Variants in NALCN observed in about 807,000 individuals in gnomAD.
NALCN encodes the protein sodium leak channel NALCN.
In NALCN, 111 loss-of-function variants were observed where a neutral mutation model predicts 225.3. That is an observed-to-expected ratio of 0.49 (90% CI 0.42 to 0.58). NALCN has a LOEUF of 0.58. Among genes scored for constraint, NALCN ranks in the 20% least tolerant of loss-of-function variants. The pLI, the probability that NALCN is intolerant of heterozygous loss-of-function variation, is 0.00. For synonymous variants in NALCN, 764 were observed against 769.0 expected (o/e 0.99, Z 0.11); for missense variants, 1,378 against 2,202.4 (o/e 0.63, Z 7.49).
intron 11 of NALCN, among the ~76,000 whole-genome samples, chr13:101,238,204 C>G (rs917555106): frequency 6.6e-6 from 1 of 151,632 alleles, no homozygotes; most frequent in Non-Finnish European, 1.5e-5. Context: ...ATTTTAAAAC[C>G]ATTATTATTT....
chr13:101,325,934 T>TGCTTGAG lies in NALCN; in HGVS notation c.799+19325_799+19331dup, dbSNP rs1423027629. On this transcript the variant is annotated intron_variant, in intron 7 of 43. Transcript: ENST00000251127. ...AAGAAAACAGTTTAGTTTAGAAATT[T>TGCTTGAG]GCTTGAGACTTGAGAGTTCAGTCAA... Among the ~76,000 whole-genome samples, 4 of 152,350 alleles carry TGCTTGAG rather than the reference T, an allele frequency of 2.6e-5. No individual in the cohort carries two copies. In the East Asian group the frequency reaches 7.7e-4, roughly 29 times the overall value.
At chr13:101,246,716 G>T (rs2041908557) in intron 11 of NALCN, among the ~76,000 whole-genome samples, 1 of 152,148 alleles carries the variant, frequency 6.6e-6, no homozygotes, top group Admixed American at 6.5e-5. Context: ...CAACAATAAT[G>T]TCAAAGACTG....
At chr13:101,230,919 T>A (rs979923297) in intron 12 of NALCN, among the ~76,000 whole-genome samples, 1 of 152,188 alleles carries the variant, frequency 6.6e-6, no homozygotes, top group Admixed American at 6.5e-5. Context: ...ACGTATAGGA[T>A]GGTGGTCCTA....
At chr13:101,302,405 G>A (rs1437289115) in intron 7 of NALCN, among the ~76,000 whole-genome samples, 3 of 152,054 alleles carry the variant, frequency 2.0e-5, no homozygotes, top group Admixed American at 6.5e-5. Flanking sequence ...AATAATTGAC[G>A]TTTGTTTATA....
intron 32 of NALCN, 54 bp from the exon 33 acceptor site, chr13:101,082,937 G>A: frequency 1.2e-6 from 2 of 1,603,486 alleles, no homozygotes; most frequent in Non-Finnish European, 1.7e-6. Flanking sequence ...ACACATACAG[G>A]CTTGCCCCTC....
At chr13:101,415,867 G>A (rs2047930276) in intron 1 of NALCN, among the ~76,000 whole-genome samples, 1 of 149,406 alleles carries the variant, frequency 6.7e-6, no homozygotes, top group Admixed American at 6.7e-5. Flanking sequence ...CCCTGGTGCC[G>A]AGGGGGCAGG....
At chr13:101,349,063 T>C (rs1361820278) in intron 6 of NALCN, among the ~76,000 whole-genome samples, 1 of 152,138 alleles carries the variant, frequency 6.6e-6, no homozygotes, top group African/African-American at 2.4e-5. Context: ...GTGGATGGAA[T>C]TCTTGCCCCA....
chr13:101,110,474 T>A, intron 20 of NALCN, 145 bp downstream of exon 20: 1 of 807,306 alleles, frequency 1.2e-6, no homozygotes, highest in Non-Finnish European at 2.0e-6. Flanking sequence ...ATAATTCATA[T>A]CCTGAGTTTC....
intron 17 of NALCN, among the ~76,000 whole-genome samples, chr13:101,131,554 C>T (rs1054891065): frequency 6.6e-6 from 1 of 152,120 alleles, no homozygotes; most frequent in Non-Finnish European, 1.5e-5. Flanking sequence ...CTGCTTTTAT[C>T]CTTATCACTC....
At chr13:101,397,086 A>T (rs893149059) in intron 2 of NALCN, among the ~76,000 whole-genome samples, 2 of 60,614 alleles carry the variant, frequency 3.3e-5, no homozygotes, top group African/African-American at 1.4e-4. Flanking sequence ...ATATATATAT[A>T]TATATATATA....
At chr13:101,402,982 C>A (rs928630051) in intron 1 of NALCN, among the ~76,000 whole-genome samples, 2 of 152,150 alleles carry the variant, frequency 1.3e-5, no homozygotes, top group Non-Finnish European at 2.9e-5. Flanking sequence ...TCACCTATCC[C>A]CATTTCTAGA....
chr13:101,203,574 C>T (rs2040207334), intron 13 of NALCN, among the ~76,000 whole-genome samples: 1 of 152,112 alleles, frequency 6.6e-6, no homozygotes, highest in African/African-American at 2.4e-5. Flanking sequence ...GGTGTGATTC[C>T]ATTTTTATAA....
chr13:101,262,386 T>C (rs1189001820), intron 10 of NALCN, among the ~76,000 whole-genome samples: 1 of 152,146 alleles, frequency 6.6e-6, no homozygotes, highest in Admixed American at 6.5e-5. Context: ...AATACTTAAA[T>C]GGAGAGAGTG....
chr13:101,187,197 A>C (rs754871436), intron 14 of NALCN, among the ~76,000 whole-genome samples: 23 of 152,198 alleles, frequency 1.5e-4, no homozygotes, highest in Non-Finnish European at 3.1e-4. Context: ...GTATATTGTC[A>C]TAACTGTTCT....
At chr13:101,287,613 G>A (rs1369440675) in intron 9 of NALCN, among the ~76,000 whole-genome samples, 4 of 152,028 alleles carry the variant, frequency 2.6e-5, no homozygotes, top group African/African-American at 9.7e-5. Context: ...ATATATGGGA[G>A]TGACTGTAAG....
At chr13:101,172,901 T>G (rs1190092429) in intron 15 of NALCN, among the ~76,000 whole-genome samples, 1 of 150,606 alleles carries the variant, frequency 6.6e-6, no homozygotes, top group African/African-American at 2.4e-5. Context: ...GGCCCTGGTT[T>G]TTATTACTCT....
At chr13:101,138,521 G>A (rs138057213) in intron 17 of NALCN, among the ~76,000 whole-genome samples, 30 of 152,314 alleles carry the variant, frequency 2.0e-4, no homozygotes, top group African/African-American at 6.3e-4. Context: ...GGAAGTACAG[G>A]GGCACGAGGT....
At position 101,212,562 on chromosome 13, in the gene NALCN, T is replaced by C. The variant is rs373466379; in HGVS notation, c.1626+16831A>G. 5.9e-5 allele frequency among the ~76,000 whole-genome samples: 9 copies of C among 152,270 alleles called. No homozygotes were observed. The East Asian group carries it at 1.7e-3, about 29-fold the overall frequency. On this transcript the variant is annotated intron_variant, in intron 13 of 43. Transcript: ENST00000251127. ...AGCTGTGTTGCATAAAGAATGTTGATAGAATTATGAATGAAAAACCAAGAA... is the reference window on the plus strand; with the variant it reads ...AGCTGTGTTGCATAAAGAATGTTGACAGAATTATGAATGAAAAACCAAGAA...
Position 101,292,282 on chromosome 13 carries a change from C to T in NALCN, c.884G>A (p.Arg295His), listed in dbSNP as rs377716963. The change falls in exon 8 of 44, where the codon CGT becomes CAT. Residue 295 changes from arginine (R) to histidine (H), a missense_variant. Physicochemically the swap from Arg to His is conservative, Grantham distance 29. Transcript: ENST00000251127. The surrounding 1 kb of genome is among the most constrained non-coding windows in gnomAD (Gnocchi z 4.3). Reference sequence around the variant, plus strand: ...GATGAAATAGAAGTAGGAACGCCAACGGGGAAAGCTGTCAATTGCTCTGTA... The same window carrying T: ...GATGAAATAGAAGTAGGAACGCCAATGGGGAAAGCTGTCAATTGCTCTGTA... ...LMYRAIDSFP[R>H]WRSYFYFITL... 45 of 1,613,938 alleles carry T rather than the reference C, an allele frequency of 2.8e-5. No individual in the cohort carries two copies. The highest frequency in any genetic ancestry group is 1.6e-4 in the Middle Eastern group (1 of 6,084).
Sources: gnomAD v4.1 joint callset for allele counts (sites outside exome capture counted in the v4.1 genomes callset) on GRCh38, gnomAD v4.1.1 for gene constraint, Gnocchi (gnomAD v3.1) non-coding constraint, MANE v1.5 for transcripts, NCBI Gene and HGNC (gene_info 2026-07-23, HGNC 2026-07-21) for gene names.